The following CCDC30 variants were observed in gnomAD, a reference collection of about 807,000 sequenced individuals.
The protein encoded by CCDC30 is coiled-coil domain containing 30.
A neutral mutation model predicts 100.2 loss-of-function variants in CCDC30; 70 were observed. That is an observed-to-expected ratio of 0.70 (90% CI 0.58 to 0.85). The LOEUF is 0.85. CCDC30 is among the 40% of genes least tolerant of loss of function. The probability of loss-of-function intolerance (pLI) is 0.00; values close to 1 mark genes in which losing one functional copy is unlikely to be tolerated. For missense variants in CCDC30, 652 were observed against 771.2 expected, an observed-to-expected ratio of 0.85 and a Z score of 1.83; for synonymous variants, 233 against 269.5, an observed-to-expected ratio of 0.86 and a Z score of 1.33.
At chr1:42,521,557 T>C (rs1258004718) in intron 6 of CCDC30, among the ~76,000 whole-genome samples, 2 of 152,198 alleles carry the variant, frequency 1.3e-5, no homozygotes, top group Non-Finnish European at 2.9e-5. Flanking sequence ...ATCTTGTATA[T>C]GTCTGTTAGC....
chr1:42,500,482 C>T lies in CCDC30; in HGVS notation c.456+1566C>T, dbSNP rs550651058. 2.1e-4 allele frequency: 124 copies of T among 590,798 alleles called. 1 individual carries two copies. Among genetic ancestry groups the T allele is most frequent in the African/African-American group, 1.8e-3 (95 of 53,100 alleles). The allele number at this position is 590,798 out of a possible 1,614,324, so 36.6% of individuals were successfully genotyped here. ...AGGCTAGAGTGCAGTGGCGTGATGT[C>T]GGCTCACTGTAAGCTCCGCCTCCCG... On this transcript the variant is annotated intron_variant, in intron 6 of 16. Coordinates refer to ENST00000668663, the Ensembl canonical transcript of CCDC30.
the CCDC30 span, chr1:42,456,414 C>A: frequency 2.4e-6 from 2 of 846,410 alleles, no homozygotes; most frequent in Non-Finnish European, 3.5e-6. Flanking sequence ...AACAACTACG[C>A]ATTTCCAGAC....
chr1:42,481,910 G>C (rs767374722), intron 2 of CCDC30, among the ~76,000 whole-genome samples: 1 of 152,050 alleles, frequency 6.6e-6, no homozygotes, highest in Non-Finnish European at 1.5e-5. Context: ...CTGGAACACA[G>C]TACAGCCTTT....
At chr1:42,499,133 T>C (rs1190704488) in intron 6 of CCDC30, among the ~76,000 whole-genome samples, 3 of 152,190 alleles carry the variant, frequency 2.0e-5, no homozygotes, top group African/African-American at 7.2e-5. Flanking sequence ...ATTTGGAGAA[T>C]ATAGTAGATT....
intron 6 of CCDC30, among the ~76,000 whole-genome samples, chr1:42,521,532 G>T (rs1437031719): frequency 6.6e-6 from 1 of 152,126 alleles, no homozygotes; most frequent in African/African-American, 2.4e-5. Context: ...GTAAGCTATT[G>T]CTGTTGGTTA....
At chr1:42,558,897 G>C (rs1255551620) in intron 6 of CCDC30, among the ~76,000 whole-genome samples, 1 of 152,110 alleles carries the variant, frequency 6.6e-6, no homozygotes, top group Admixed American at 6.6e-5. Flanking sequence ...CAGCCAGAAA[G>C]GCCAGGTCAC....
At chr1:42,519,723 T>G (rs555167349) in intron 6 of CCDC30, among the ~76,000 whole-genome samples, 2 of 152,120 alleles carry the variant, frequency 1.3e-5, no homozygotes, top group Admixed American at 6.5e-5. Flanking sequence ...GGCTAATTTT[T>G]TTTGTATTTT....
At chr1:42,556,284 A>T in intron 6 of CCDC30, 1 of 1,614,140 alleles carries the variant, frequency 6.2e-7, no homozygotes, top group Non-Finnish European at 8.5e-7. Flanking sequence ...GAAGAAAAAG[A>T]ACAGCAGTTA....
chr1:42,580,412 G>A (rs1282713426), intron 8 of CCDC30, among the ~76,000 whole-genome samples: 1 of 152,194 alleles, frequency 6.6e-6, no homozygotes, highest in African/African-American at 2.4e-5. Context: ...CTGAATATTT[G>A]TGGGGAATGT....
At chr1:42,510,192 C>T in intron 6 of CCDC30, 1 of 807,680 alleles carries the variant, frequency 1.2e-6, no homozygotes, top group Non-Finnish European at 1.5e-6. Context: ...AATGATGATT[C>T]CCCTGTTTCT....
At chr1:42,577,633 T>TTTTA (rs371655363) in intron 8 of CCDC30, among the ~76,000 whole-genome samples, 2,266 of 152,030 alleles carry the variant, frequency 0.015, 47 homozygotes, top group African/African-American at 0.05. Context: ...TGATGTTTAT[T>TTTTA]TTTATTTATT....
At chr1:42,469,838 A>G (rs1643709445) in intron 1 of CCDC30, among the ~76,000 whole-genome samples, 1 of 152,090 alleles carries the variant, frequency 6.6e-6, no homozygotes, top group Non-Finnish European at 1.5e-5. Flanking sequence ...GAGAGATGAG[A>G]TATTCAGTTT....
chr1:42,537,444 T>G (rs1391706400), intron 6 of CCDC30: 1 of 355,696 alleles, frequency 2.8e-6, no homozygotes, highest in East Asian at 7.9e-5. Context: ...CTTCCTGTGG[T>G]TTTGGGAGGC....
intron 6 of CCDC30, among the ~76,000 whole-genome samples, chr1:42,529,269 C>T (rs755679391): frequency 2.0e-5 from 3 of 152,022 alleles, no homozygotes; most frequent in Non-Finnish European, 4.4e-5. Context: ...GTCAGGAGTT[C>T]GAGACCAACC....
At chr1:42,577,826 G>C (rs1365581561) in intron 8 of CCDC30, among the ~76,000 whole-genome samples, 4 of 151,988 alleles carry the variant, frequency 2.6e-5, no homozygotes, top group African/African-American at 9.7e-5. Flanking sequence ...ATTTTTAGTA[G>C]AGATGGGGTT....
At chr1:42,525,155 A>AT (rs1335381429) in intron 6 of CCDC30, among the ~76,000 whole-genome samples, 1 of 152,100 alleles carries the variant, frequency 6.6e-6, no homozygotes, top group African/African-American at 2.4e-5. Flanking sequence ...GCTTGGGAGT[A>AT]TTTGAGCTTC....
intron 10 of CCDC30, among the ~76,000 whole-genome samples, chr1:42,606,700 T>G (rs552403684): frequency 5.1e-4 from 77 of 152,336 alleles, no homozygotes; most frequent in African/African-American, 1.7e-3. Context: ...CCATAAACCT[T>G]AAATTACAGC....
intron 6 of CCDC30, among the ~76,000 whole-genome samples, chr1:42,562,772 C>A (rs538257337): frequency 2.0e-5 from 3 of 151,898 alleles, no homozygotes; most frequent in Non-Finnish European, 4.4e-5. Flanking sequence ...AAAAAAACAA[C>A]CCCATCAAAA....
At chr1:42,577,453 A>G (rs1471238994) in intron 8 of CCDC30, among the ~76,000 whole-genome samples, 1 of 152,068 alleles carries the variant, frequency 6.6e-6, no homozygotes, top group East Asian at 1.9e-4. Flanking sequence ...CAGTTTTATT[A>G]AAGCGATAAC....
Sources: gnomAD v4.1 joint callset for allele counts (sites outside exome capture counted in the v4.1 genomes callset) on GRCh38, gnomAD v4.1.1 for gene constraint, MANE v1.5 for transcripts, NCBI Gene and HGNC (gene_info 2026-07-23, HGNC 2026-07-21) for gene names.